THSD7B: variants seen among roughly 807,000 people sequenced by gnomAD.
THSD7B encodes the protein thrombospondin type-1 domain-containing protein 7B.
THSD7B carries 138 observed loss-of-function variants against 213.6 expected under a neutral mutation model. That is an observed-to-expected ratio of 0.65 (90% CI 0.56 to 0.74). THSD7B has a LOEUF of 0.74. Ranked by LOEUF, THSD7B falls within the 30% of genes least tolerant of loss-of-function variation. THSD7B has a pLI of 0.00. For missense variants in THSD7B, 1,931 were observed against 1,991.5 expected (o/e 0.97, Z 0.58); for synonymous variants, 742 against 687.0 (o/e 1.08, Z -1.25).
intron 12 of THSD7B, among the ~76,000 whole-genome samples, chr2:137,371,711 C>T (rs188780747): frequency 2.0e-5 from 3 of 152,134 alleles, no homozygotes; most frequent in Admixed American, 2.0e-4. Flanking sequence ...TGTTCTTTTA[C>T]TCTATGTCTG....
intron 12 of THSD7B, among the ~76,000 whole-genome samples, chr2:137,341,822 T>A (rs1302185069): frequency 6.6e-6 from 1 of 151,756 alleles, no homozygotes; most frequent in Non-Finnish European, 1.5e-5. Flanking sequence ...TTCCGTTGGT[T>A]AATGTGTCTT....
chr2:137,667,792 G>C lies in THSD7B; in HGVS notation c.4670G>C (p.Trp1557Ser). 1 of 1,605,540 alleles carries C rather than the reference G, an allele frequency of 6.2e-7. No homozygotes were observed. The highest frequency in any genetic ancestry group is 8.5e-7 in the Non-Finnish European group (1 of 1,175,490). ...TAAACAGATGGCCGAGTAAAAATTT[G>C]GGTTTATGGCGTTTCAGGTGGCGCT... ...PLDPDGRVKI[W>S]VYGVSGGAFL... The change falls in exon 27 of 28, where the codon TGG becomes TCG. Residue 1557 changes from tryptophan (W) to serine (S), a missense_variant. Trp to Ser is a radical substitution (Grantham distance 177). Coordinates refer to ENST00000409968, the MANE Select transcript of THSD7B (RefSeq NM_001316349.2).
rs1233348866 is a variant in THSD7B at position 137,353,037 on chromosome 2, G to A, written c.2501-52576G>A. Among the ~76,000 whole-genome samples the A allele has an allele frequency of 4.6e-5, 7 of 152,068 alleles. 1 individual carries two copies. The South Asian group carries it at 1.5e-3, about 32-fold the overall frequency. On this transcript the variant is annotated intron_variant, in intron 12 of 27. Transcript: ENST00000409968. The stretch of plus-strand genomic sequence containing the variant: ...GGAAGATAGTAGAAATGTAGAGTTA[G>A]CCATAAAGGAGACTACACAACTCTT...
chr2:137,131,139 G>A (rs1558932120), intron 5 of THSD7B, among the ~76,000 whole-genome samples: 1 of 139,890 alleles, frequency 7.1e-6, no homozygotes, highest in Non-Finnish European at 1.6e-5. Flanking sequence ...GTGATGGTGA[G>A]CATTTTTTCA....
chr2:136,826,623 C>G (rs1047280729), intron 1 of THSD7B, among the ~76,000 whole-genome samples: 1 of 152,150 alleles, frequency 6.6e-6, no homozygotes, highest in African/African-American at 2.4e-5. Flanking sequence ...CTAGCAAGAG[C>G]TAAAGTTAGA....
chr2:137,197,861 A>G (rs534152249), intron 7 of THSD7B, among the ~76,000 whole-genome samples: 1 of 152,346 alleles, frequency 6.6e-6, no homozygotes, highest in East Asian at 1.9e-4. Context: ...AAATGAGAAT[A>G]GGACCATGTC....
At chr2:136,786,510 A>AT (rs1681851690) in intron 1 of THSD7B, among the ~76,000 whole-genome samples, 1 of 152,052 alleles carries the variant, frequency 6.6e-6, no homozygotes, top group Non-Finnish European at 1.5e-5. Context: ...CACCTCCTGG[A>AT]TTCGTCTGAT....
intron 2 of THSD7B, among the ~76,000 whole-genome samples, chr2:136,955,964 G>A (rs1438938086): frequency 1.3e-5 from 2 of 150,956 alleles, no homozygotes; most frequent in Admixed American, 1.3e-4. Flanking sequence ...GGGAGGCAGA[G>A]CTTGCAGTGA....
At chr2:137,080,121 C>T (rs542395635) in intron 3 of THSD7B, among the ~76,000 whole-genome samples, 9 of 150,620 alleles carry the variant, frequency 6.0e-5, no homozygotes, top group Non-Finnish European at 8.9e-5. Flanking sequence ...GGATTACAGG[C>T]GTGAGCCACT....
At chr2:137,351,946 CT>C (rs1303474661) in intron 12 of THSD7B, among the ~76,000 whole-genome samples, 1 of 151,834 alleles carries the variant, frequency 6.6e-6, no homozygotes, top group African/African-American at 2.4e-5. Flanking sequence ...CTTGAAACAT[CT>C]TGAGTTTTTT....
chr2:137,291,508 C>A (rs1217954174), intron 12 of THSD7B, among the ~76,000 whole-genome samples: 1 of 151,982 alleles, frequency 6.6e-6, no homozygotes, highest in East Asian at 1.9e-4. Flanking sequence ...AGAGCTTTGG[C>A]AAAAATACAA....
intron 1 of THSD7B, among the ~76,000 whole-genome samples, chr2:136,790,045 A>G (rs1290141446): frequency 6.6e-6 from 1 of 151,466 alleles, no homozygotes; most frequent in Non-Finnish European, 1.5e-5. Flanking sequence ...GGCCTTACCA[A>G]ATTGTAAGCT....
rs890423035 is a variant in THSD7B at position 137,375,987 on chromosome 2, A to G, written c.2501-29626A>G. ...GAAAGTTCCTTAGAAGATGTTTTAA[A>G]TAGCCAGATCCACAAGAAAATGTAG... On this transcript the variant is annotated intron_variant, in intron 12 of 27. Transcript: ENST00000409968. Among the ~76,000 whole-genome samples the G allele has an allele frequency of 2.0e-5, 3 of 152,342 alleles. No homozygotes were observed. The East Asian group carries it at 5.8e-4, about 29-fold the overall frequency.
chr2:137,125,893 C>T (rs1166039938), intron 5 of THSD7B, among the ~76,000 whole-genome samples: 1 of 152,110 alleles, frequency 6.6e-6, no homozygotes, highest in East Asian at 1.9e-4. Flanking sequence ...CCTTGTACAT[C>T]TCCATCAGGG....
At chr2:136,971,405 A>G (rs961915216) in intron 2 of THSD7B, among the ~76,000 whole-genome samples, 1 of 151,702 alleles carries the variant, frequency 6.6e-6, no homozygotes, top group African/African-American at 2.4e-5. Flanking sequence ...GTCACTCATG[A>G]TATGTTGTAC....
intron 17 of THSD7B, among the ~76,000 whole-genome samples, chr2:137,595,196 A>T (rs930937528): frequency 1.3e-5 from 2 of 151,902 alleles, no homozygotes; most frequent in Non-Finnish European, 2.9e-5. Flanking sequence ...AAAATTTCCA[A>T]TTCTCCCCTT....
At chr2:136,962,589 C>T (rs1685239241) in intron 2 of THSD7B, among the ~76,000 whole-genome samples, 1 of 151,672 alleles carries the variant, frequency 6.6e-6, no homozygotes, top group Admixed American at 6.6e-5. Flanking sequence ...GTCATGCCCT[C>T]CCCTGTAAGG....
intron 12 of THSD7B, among the ~76,000 whole-genome samples, chr2:137,382,002 T>C (rs999948855): frequency 6.6e-6 from 1 of 152,186 alleles, no homozygotes; most frequent in African/African-American, 2.4e-5. Context: ...TAGACATCAA[T>C]GCAGATATAT....
At chr2:137,018,183 G>T (rs2104840748) in intron 2 of THSD7B, among the ~76,000 whole-genome samples, 1 of 151,850 alleles carries the variant, frequency 6.6e-6, no homozygotes, top group South Asian at 2.1e-4. Flanking sequence ...TTTTATTTTA[G>T]AATAAAATAT....
Sources: allele counts gnomAD v4.1 joint callset (sites outside exome capture counted in the v4.1 genomes callset), GRCh38; gene constraint gnomAD v4.1.1; transcripts MANE v1.5; gene names NCBI Gene and HGNC (gene_info 2026-07-23, HGNC 2026-07-21).